The following TBXAS1 variants were observed in gnomAD, a reference collection of about 807,000 sequenced individuals.
The protein encoded by TBXAS1 is thromboxane A synthase 1.
TBXAS1 carries 48 observed loss-of-function variants against 60.7 expected under a neutral mutation model. The ratio of observed to expected loss-of-function variants is 0.79; its 90% confidence interval spans 0.63 to 1.01. TBXAS1 has a LOEUF of 1.01. TBXAS1 is among the 50% of genes least tolerant of loss of function. TBXAS1 has a pLI of 0.00. For missense variants in TBXAS1, 685 were observed against 686.3 expected (o/e 1.00, Z 0.02); for synonymous variants, 287 against 269.7 (o/e 1.06, Z -0.63).
chr7:139,986,417 T>C (rs1373721117), intron 9 of TBXAS1, among the ~76,000 whole-genome samples: 3 of 152,042 alleles, frequency 2.0e-5, no homozygotes, highest in Non-Finnish European at 4.4e-5. Flanking sequence ...TTTGGTTACA[T>C]GAGTAAGTTC....
At chr7:139,988,374 T>C (rs1028197427) in intron 9 of TBXAS1, among the ~76,000 whole-genome samples, 3 of 152,206 alleles carry the variant, frequency 2.0e-5, no homozygotes, top group Non-Finnish European at 2.9e-5. Flanking sequence ...ACACTTGCGC[T>C]GTTCTGACCA....
At chr7:139,810,371 T>G (rs1162724780) in intron 4 of TBXAS1, among the ~76,000 whole-genome samples, 1 of 152,158 alleles carries the variant, frequency 6.6e-6, no homozygotes, top group Admixed American at 6.5e-5. Flanking sequence ...GTGACTGCTG[T>G]GACTGCCAGG....
intron 4 of TBXAS1, chr7:139,912,922 G>T: frequency 1.7e-6 from 1 of 593,138 alleles, no homozygotes; most frequent in Non-Finnish European, 3.0e-6. Context: ...AGGAAGAGCA[G>T]GGATTCATGT....
chr7:139,932,084 G>A (rs1807373527), intron 4 of TBXAS1, among the ~76,000 whole-genome samples: 1 of 149,920 alleles, frequency 6.7e-6, no homozygotes, highest in Non-Finnish European at 1.5e-5. Context: ...GGAGAATGGA[G>A]TGAACCCAGG....
At chr7:139,815,431 G>A (rs905861941) in intron 4 of TBXAS1, among the ~76,000 whole-genome samples, 5 of 152,138 alleles carry the variant, frequency 3.3e-5, no homozygotes, top group South Asian at 2.1e-4. Context: ...ATTCTAATCC[G>A]CAGCTCTTTC....
At chr7:139,821,911 G>A (rs1351286546) in intron 4 of TBXAS1, among the ~76,000 whole-genome samples, 1 of 152,220 alleles carries the variant, frequency 6.6e-6, no homozygotes, top group Non-Finnish European at 1.5e-5. Flanking sequence ...TGGCACGAAT[G>A]CTGTACGTCG....
intron 4 of TBXAS1, among the ~76,000 whole-genome samples, chr7:139,920,817 A>G (rs1806407350): frequency 6.6e-6 from 1 of 152,206 alleles, no homozygotes; most frequent in Admixed American, 6.5e-5. Flanking sequence ...TCCTGAGACC[A>G]GGCACTGCTC....
intron 3 of TBXAS1, among the ~76,000 whole-genome samples, chr7:139,885,799 T>C (rs1375874653): frequency 6.6e-6 from 1 of 152,172 alleles, no homozygotes; most frequent in Non-Finnish European, 1.5e-5. Flanking sequence ...AAAAACCAGT[T>C]CTAAATCTTG....
chr7:139,805,712 TTCTCTCTCTCTCTCTC>T (rs1554466260), intron 4 of TBXAS1, among the ~76,000 whole-genome samples: 2 of 44,306 alleles, frequency 4.5e-5, no homozygotes, highest in East Asian at 7.1e-4. Context: ...CTTTCTTTCT[TTCTCTCTCTCTCTCTC>T]TCTTTCTTTC....
intron 9 of TBXAS1, among the ~76,000 whole-genome samples, chr7:139,996,864 TTCTC>T (rs1279226735): frequency 1.3e-5 from 2 of 152,214 alleles, no homozygotes; most frequent in East Asian, 1.9e-4. Flanking sequence ...CTGATAAGGC[TTCTC>T]TCTTTCAGCC....
intron 1 of TBXAS1, among the ~76,000 whole-genome samples, chr7:139,867,404 T>C (rs1429856032): frequency 6.6e-6 from 1 of 152,222 alleles, no homozygotes. Flanking sequence ...TGTTTTCTTT[T>C]GTTCCAAACC....
rs188728278 is a variant in TBXAS1 at position 139,916,944 on chromosome 7, A to G, written c.333+5623A>G. ...CCTGTAACCACTGACAGTTTTTGAA[A>G]ACTGTTCACCTGGAGTTCCTGGTTC... On this transcript the variant is annotated intron_variant, in intron 4 of 12. Transcript: ENST00000448866. This position sits in a 1 kb window ranked among gnomAD's most constrained non-coding sequence, Gnocchi z 4.2. 1.8e-4 allele frequency among the ~76,000 whole-genome samples: 27 copies of G among 152,310 alleles called. No individual in the cohort carries two copies. The South Asian group carries it at 2.9e-3, about 16-fold the overall frequency.
At chr7:139,905,675 AGTGTGAAAAGTATTG>A (rs1367355617) in intron 3 of TBXAS1, among the ~76,000 whole-genome samples, 1 of 152,148 alleles carries the variant, frequency 6.6e-6, no homozygotes, top group African/African-American at 2.4e-5. Flanking sequence ...CTTGTGGAAT[AGTGTGAAAAGTATTG>A]GTACCAATTC....
intron 3 of TBXAS1, among the ~76,000 whole-genome samples, chr7:139,894,956 A>T (rs1426574942): frequency 6.6e-6 from 1 of 152,214 alleles, no homozygotes; most frequent in African/African-American, 2.4e-5. Context: ...AAAAACCCAG[A>T]CATGGGCCAA....
chr7:139,850,207 T>G (rs1191995235), intron 1 of TBXAS1, among the ~76,000 whole-genome samples: 1 of 152,180 alleles, frequency 6.6e-6, no homozygotes, highest in Non-Finnish European at 1.5e-5. Flanking sequence ...TCACCTCCAG[T>G]AAGTTGCTCT....
intron 5 of TBXAS1, among the ~76,000 whole-genome samples, chr7:139,948,551 G>C (rs779490366): frequency 2.0e-5 from 3 of 152,064 alleles, no homozygotes; most frequent in Non-Finnish European, 2.9e-5. Flanking sequence ...TATTTTATCT[G>C]ATTATAAGTG....
chr7:139,801,856 C>A (rs905340885), intron 4 of TBXAS1, among the ~76,000 whole-genome samples: 9 of 152,104 alleles, frequency 5.9e-5, no homozygotes, highest in African/African-American at 2.2e-4. Flanking sequence ...CTCTGCCTCC[C>A]AGGTTCAAGC....
intron 3 of TBXAS1, among the ~76,000 whole-genome samples, chr7:139,886,105 G>A (rs1803075246): frequency 6.6e-6 from 1 of 152,086 alleles, no homozygotes; most frequent in Non-Finnish European, 1.5e-5. Flanking sequence ...CCTTAGCAAG[G>A]CCCCACCAAG....
intron 4 of TBXAS1, among the ~76,000 whole-genome samples, chr7:139,801,439 C>T (rs1797721020): frequency 1.3e-5 from 2 of 151,722 alleles, no homozygotes; most frequent in Admixed American, 6.6e-5. Flanking sequence ...TATGTCTAGA[C>T]CTTGTTTCTG....
Sources: gnomAD v4.1 joint callset for allele counts (sites outside exome capture counted in the v4.1 genomes callset) on GRCh38, gnomAD v4.1.1 for gene constraint, Gnocchi (gnomAD v3.1) non-coding constraint, MANE v1.5 for transcripts, NCBI Gene and HGNC (gene_info 2026-07-23, HGNC 2026-07-21) for gene names.